TCF7: variants seen among roughly 807,000 people sequenced by gnomAD.
TCF7 encodes the protein transcription factor 7.
In TCF7, 19 loss-of-function variants were observed where a neutral mutation model predicts 46.8. The ratio of observed to expected loss-of-function variants is 0.41; its 90% CI spans 0.28 to 0.60. The LOEUF is 0.60. Among genes scored for constraint, TCF7 ranks in the 20% least tolerant of loss-of-function variants. TCF7 has a pLI of 0.35. For synonymous variants in TCF7, 245 were observed against 213.4 expected (o/e 1.15, Z -1.29); for missense variants, 547 against 504.6 (o/e 1.08, Z -0.81).
In TCF7 at chr5:134,143,089, C is replaced by T. The variant is rs935769637; in HGVS notation, c.1015C>T (p.Arg339Trp). The T allele has an allele frequency of 2.5e-6, 4 of 1,605,038 alleles. No individual in the cohort carries two copies. Among genetic ancestry groups the T allele is most frequent in the Non-Finnish European group, 1.7e-6 (2 of 1,175,892 alleles). Residue 339 changes from arginine to tryptophan, a missense_variant, in exon 8 of 10, where the codon CGG becomes TGG. Physicochemically the swap from Arg to Trp is moderately radical, Grantham distance 101. Transcript: ENST00000342854. ...GCAGCTATACCCAGGCTGGTCAGCG[C>T]GGGACAACTACGTGAGTGCCTAGTG... Reference protein sequence around the residue: ...HMQLYPGWSARDNYGKKKRRS... With the variant: ...HMQLYPGWSAWDNYGKKKRRS...
At chr5:134,138,777 C>A in intron 4 of TCF7, 174 bp from the exon 5 acceptor site, 1 of 1,067,584 alleles carries the variant, frequency 9.4e-7, no homozygotes, top group Non-Finnish European at 1.3e-6. Flanking sequence ...CCTTGTCTGT[C>A]AAAGGGGCAC....
chr5:134,135,097 G>A (rs1758669403), intron 3 of TCF7, among the ~76,000 whole-genome samples: 1 of 152,196 alleles, frequency 6.6e-6, no homozygotes, highest in African/African-American at 2.4e-5. Context: ...GAGGCTACAG[G>A]CATGCACCAC....
rs931160418 is a variant in TCF7 at position 134,114,746 on chromosome 5, TAGCCCGCGCCTGC to T, written c.-153_-141del. ...CGCGGAGCCGCTCTGCCCCGCGCCC[TAGCCCGCGCCTGC>T]AGCCCGCCCAGGCGGAGTCAGCCCG... On this transcript the variant is annotated 5_prime_UTR_variant, in exon 1 of 10. Coordinates refer to ENST00000342854, the MANE Select transcript of TCF7 (RefSeq NM_003202.5). The T allele has an allele frequency of 1.3e-5, 9 of 694,578 alleles. No individual in the cohort carries two copies. The highest frequency in any genetic ancestry group is 1.5e-4 in the East Asian group (1 of 6,738). 43.0% of individuals were successfully genotyped at this position (694,578 alleles called of 1,614,324 possible). A position where few individuals can be genotyped will look rare whatever the true frequency, so the allele number is the denominator to read the frequency against.
chr5:134,121,422 A>G (rs1476863596), intron 3 of TCF7, among the ~76,000 whole-genome samples: 1 of 151,926 alleles, frequency 6.6e-6, no homozygotes, highest in Non-Finnish European at 1.5e-5. Context: ...GGTCTCTACT[A>G]AAAATACAAA....
At chr5:134,136,554 G>C (rs1378521026) in intron 3 of TCF7, among the ~76,000 whole-genome samples, 1 of 152,128 alleles carries the variant, frequency 6.6e-6, no homozygotes, top group Non-Finnish European at 1.5e-5. Flanking sequence ...GTTGCTGGCA[G>C]GTGTGGGAGC....
intron 3 of TCF7, among the ~76,000 whole-genome samples, chr5:134,116,364 C>T (rs189316457): frequency 5.9e-5 from 9 of 152,358 alleles, no homozygotes; most frequent in East Asian, 1.9e-4. Context: ...CCTTGCTCCT[C>T]GCTGCTCTGA....
chr5:134,140,874 C>A (rs762470098), intron 5 of TCF7: 3 of 437,360 alleles, frequency 6.9e-6, no homozygotes, highest in Non-Finnish European at 1.4e-5. Flanking sequence ...CAGCCCCTGG[C>A]GCCCCCTACC....
At chr5:134,123,943 C>T (rs1756971104) in intron 3 of TCF7, among the ~76,000 whole-genome samples, 1 of 152,074 alleles carries the variant, frequency 6.6e-6, no homozygotes, top group South Asian at 2.1e-4. Flanking sequence ...CAGTGCAAGG[C>T]AGGGGTACCT....
At chr5:134,128,581 G>GCC (rs1757670004) in intron 3 of TCF7, among the ~76,000 whole-genome samples, 1 of 140,590 alleles carries the variant, frequency 7.1e-6, no homozygotes, top group African/African-American at 3.0e-5. Context: ...CAGAACACAT[G>GCC]ACAAGACCCC....
chr5:134,144,890 G>T, intron 9 of TCF7: 1 of 1,608,920 alleles, frequency 6.2e-7, no homozygotes, highest in Non-Finnish European at 8.5e-7. Context: ...CCCCACCATC[G>T]TTCTCCCTTT....
chr5:134,140,557 G>A (rs1005584558), intron 5 of TCF7: 4 of 337,598 alleles, frequency 1.2e-5, no homozygotes, highest in Non-Finnish European at 1.7e-5. Flanking sequence ...GGCTGGAGGG[G>A]CCCAGGGGCC....
In TCF7 at chr5:134,147,979, A is replaced by AT. The variant is rs1760899734; in HGVS notation, c.*1676_*1677insT. Reference sequence around the variant, plus strand: ...TAACAGGGAGACTGCATCTCAAAAAAAAAAAAAAAAAAAAAAAAGGGCTGT... The same window carrying AT: ...TAACAGGGAGACTGCATCTCAAAAAATAAAAAAAAAAAAAAAAAAGGGCTGT... On this transcript the variant is annotated 3_prime_UTR_variant, in exon 10 of 10. Coordinates refer to ENST00000342854, the MANE Select transcript of TCF7 (RefSeq NM_003202.5). The AT allele has an allele frequency of 6.7e-6, 1 of 149,790 alleles. No individual in the cohort carries two copies. Among genetic ancestry groups the AT allele is most frequent in the African/African-American group, 2.5e-5 (1 of 40,188 alleles). 9.3% of individuals were successfully genotyped at this position (149,790 alleles called of 1,614,324 possible).
upstream of TCF7, among the ~76,000 whole-genome samples, chr5:134,113,828 CAG>C (rs1210868678): frequency 6.6e-6 from 1 of 152,236 alleles, no homozygotes; most frequent in Admixed American, 6.5e-5. Flanking sequence ...GGGTCAACTT[CAG>C]AGTCATGGGC....
chr5:134,117,466 C>A (rs1755980703), intron 3 of TCF7, among the ~76,000 whole-genome samples: 1 of 152,248 alleles, frequency 6.6e-6, no homozygotes, highest in African/African-American at 2.4e-5. Context: ...GGGCTGGGGT[C>A]ACCGTGGAAC....
In TCF7 at chr5:134,142,069, A is replaced by G. The variant is rs575910104; in HGVS notation, c.636-116A>G. Reference sequence around the variant, plus strand: ...ACTTATGTCTAGGCCAGTAGGATAGAGTATCTATCTGTTCACCTGTGTCCT... The same window carrying G: ...ACTTATGTCTAGGCCAGTAGGATAGGGTATCTATCTGTTCACCTGTGTCCT... On this transcript the variant is annotated intron_variant, in intron 5 of 9. Coordinates refer to ENST00000342854, the MANE Select transcript of TCF7 (RefSeq NM_003202.5). 4.2e-6 allele frequency: 6 copies of G among 1,423,224 alleles called. No individual in the cohort carries two copies. The East Asian group carries it at 1.4e-4, about 33-fold the overall frequency. 88.2% of individuals were successfully genotyped at this position (1,423,224 alleles called of 1,614,324 possible).
chr5:134,125,029 G>T (rs945203928), intron 3 of TCF7, among the ~76,000 whole-genome samples: 1 of 152,186 alleles, frequency 6.6e-6, no homozygotes, highest in African/African-American at 2.4e-5. Context: ...CTTAAATGGG[G>T]TAGGAATCCC....
chr5:134,144,507 G>GC (rs1394839680), intron 9 of TCF7: 1 of 417,942 alleles, frequency 2.4e-6, no homozygotes, highest in Non-Finnish European at 4.4e-6. Context: ...TGCTGCAAGG[G>GC]CCCCACAAGC....
chr5:134,145,060 C>G lies in TCF7; in HGVS notation c.1076-1164C>G, dbSNP rs772317233. The G allele has an allele frequency of 2.1e-4, 138 of 643,356 alleles. 2 individuals carry two copies. Among genetic ancestry groups the G allele is most frequent in the South Asian group, 1.9e-3 (111 of 57,968 alleles). 39.9% of individuals were successfully genotyped at this position (643,356 alleles called of 1,614,324 possible). ...AGCGCGTGGAGAAGACCACTTGGGTCTAAGTGCAGGAGGATTGGAGAGAAA... is the reference window on the plus strand; with the variant it reads ...AGCGCGTGGAGAAGACCACTTGGGTGTAAGTGCAGGAGGATTGGAGAGAAA... On this transcript the variant is annotated intron_variant, in intron 9 of 9. Coordinates refer to ENST00000342854, the MANE Select transcript of TCF7 (RefSeq NM_003202.5).
chr5:134,144,559 T>C lies in TCF7; in HGVS notation c.1075+919T>C, dbSNP rs567655487. The C allele has an allele frequency of 9.2e-5, 48 of 523,286 alleles. 2 individuals carry two copies. The highest frequency in any genetic ancestry group is 8.9e-4 in the South Asian group (41 of 46,168). 32.4% of individuals were successfully genotyped at this position (523,286 alleles called of 1,614,324 possible). A position where few individuals can be genotyped will look rare whatever the true frequency, so the allele number is the denominator to read the frequency against. On this transcript the variant is annotated intron_variant, in intron 9 of 9. Transcript: ENST00000342854. ...ATTGACAGGACTCCCTCCCTCCCATTCTTCCCACTGCCTCTACTGCGTACC... is the reference window on the plus strand; with the variant it reads ...ATTGACAGGACTCCCTCCCTCCCATCCTTCCCACTGCCTCTACTGCGTACC...
Sources: allele counts gnomAD v4.1 joint callset (sites outside exome capture counted in the v4.1 genomes callset), GRCh38; gene constraint gnomAD v4.1.1; transcripts MANE v1.5; gene names NCBI Gene and HGNC (gene_info 2026-07-23, HGNC 2026-07-21).